The following CDCA2 variants were observed in gnomAD, a reference collection of about 807,000 sequenced individuals.
CDCA2 encodes cell division cycle-associated protein 2.
In CDCA2, 44 loss-of-function variants were observed where a neutral mutation model predicts 67.0. That is an observed-to-expected ratio of 0.66 (90% CI 0.52 to 0.84). The LOEUF (loss-of-function observed/expected upper bound fraction) is 0.84. CDCA2 is among the 40% of genes least tolerant of loss of function. The pLI is 0.00. For synonymous variants in CDCA2, 447 were observed against 418.7 expected (o/e 1.07, Z -0.82); for missense variants, 1,253 against 1,203.2 (o/e 1.04, Z -0.61).
intron 13 of CDCA2, among the ~76,000 whole-genome samples, chr8:25,502,668 G>A (rs1339420587): frequency 1.3e-5 from 2 of 152,046 alleles, no homozygotes; most frequent in Non-Finnish European, 2.9e-5. Context: ...ATAGCTTGCA[G>A]TATGTAATTC....
chr8:25,481,896 C>A (rs1423747870), intron 8 of CDCA2, among the ~76,000 whole-genome samples: 2 of 152,082 alleles, frequency 1.3e-5, no homozygotes, highest in African/African-American at 2.4e-5. Context: ...AATGAACTGA[C>A]TTGAGAGACA....
In CDCA2 at chr8:25,488,548, A is replaced by G. The variant is rs758626972; in HGVS notation, c.1534-4A>G. ...CGGTATCCTACTTTACACTTTCTTTATAGCAATTGGTCAGTGTTGTAGAAG... is the reference window on the plus strand; with the variant it reads ...CGGTATCCTACTTTACACTTTCTTTGTAGCAATTGGTCAGTGTTGTAGAAG... On this transcript the variant is annotated splice_region_variant and splice_polypyrimidine_tract_variant and intron_variant, in intron 12 of 14. Transcript: ENST00000330560. The G allele has an allele frequency of 1.3e-5, 21 of 1,598,126 alleles. No individual in the cohort carries two copies. The highest frequency in any genetic ancestry group is 1.8e-5 in the Non-Finnish European group (21 of 1,174,542).
In CDCA2 at chr8:25,507,315, G is replaced by C; in HGVS notation, c.2649G>C (p.Arg883Ser). 6.2e-7 allele frequency: 1 copy of C among 1,614,068 alleles called. No homozygotes were observed. Among genetic ancestry groups the C allele is most frequent in the Non-Finnish European group, 8.5e-7 (1 of 1,180,010 alleles). The change falls in exon 15 of 15, where the codon AGG (arginine) becomes AGC (serine). Residue 883 changes from arginine to serine, a missense_variant. Arg to Ser is a moderately radical substitution (Grantham distance 110). Transcript: ENST00000330560. ...LSDAIEQTFQ[R>S]RNSETKVRRS... ...ATGCCATTGAGCAAACCTTTCAGAGGAGAAATAGTGAAACCAAAGTGCGAC... is the reference window on the plus strand; with the variant it reads ...ATGCCATTGAGCAAACCTTTCAGAGCAGAAATAGTGAAACCAAAGTGCGAC...
chr8:25,483,945 T>C, intron 9 of CDCA2, 21 bp from the exon 10 acceptor site: 5 of 1,594,078 alleles, frequency 3.1e-6, no homozygotes, highest in Non-Finnish European at 4.3e-6. Flanking sequence ...TAAGTTACTC[T>C]CATTTATTGT....
At chr8:25,483,546 A>G in intron 9 of CDCA2, 60 bp downstream of exon 9, 1 of 1,196,624 alleles carries the variant, frequency 8.4e-7, no homozygotes, top group East Asian at 2.4e-5. Context: ...AGTAAAACCT[A>G]GTATAATATA....
intron 7 of CDCA2, among the ~76,000 whole-genome samples, chr8:25,479,444 C>A (rs1217986928): frequency 6.6e-6 from 1 of 152,198 alleles, no homozygotes; most frequent in East Asian, 1.9e-4. Flanking sequence ...GGGGCACATA[C>A]AGTGTGTTTA....
At chr8:25,482,276 A>G (rs1803600376) in intron 8 of CDCA2, among the ~76,000 whole-genome samples, 1 of 152,184 alleles carries the variant, frequency 6.6e-6, no homozygotes, top group African/African-American at 2.4e-5. Context: ...TTCAAATACT[A>G]AGAATAGGTG....
At chr8:25,477,757 T>G (rs1803406803) in intron 7 of CDCA2, among the ~76,000 whole-genome samples, 1 of 152,136 alleles carries the variant, frequency 6.6e-6, no homozygotes, top group Admixed American at 6.5e-5. Flanking sequence ...GACCTTCACT[T>G]GAATGCCTAA....
chr8:25,468,067 G>C, intron 5 of CDCA2, 150 bp from the exon 6 acceptor site: 1 of 245,732 alleles, frequency 4.1e-6, no homozygotes, highest in Non-Finnish European at 6.4e-6. Flanking sequence ...GCAGTGAGCT[G>C]AAATCGCACC....
At chr8:25,476,905 A>T (rs1027459921) in intron 7 of CDCA2, among the ~76,000 whole-genome samples, 5 of 151,896 alleles carry the variant, frequency 3.3e-5, no homozygotes, top group African/African-American at 1.2e-4. Flanking sequence ...CCTTCTAAGG[A>T]CCTTGTGTCT....
In CDCA2 at chr8:25,488,648, G is replaced by A; in HGVS notation, c.1630G>A (p.Glu544Lys). Residue 544 changes from glutamate (E) to lysine (K), a missense_variant, in exon 13 of 15, where the codon GAA becomes AAA. By Grantham distance (56) the Glu-to-Lys change is moderately conservative. Coordinates refer to ENST00000330560, the MANE Select transcript of CDCA2 (RefSeq NM_152562.4). ...GAAAATTAATAGGAGGAAGTCTCAA[G>A]AAACAAAGTGTACAAAGAGAGCACT... ...EKKINRRKSQ[E>K]TKCTKRALPK... 3.1e-6 allele frequency: 5 copies of A among 1,612,550 alleles called. No individual in the cohort carries two copies. Among genetic ancestry groups the A allele is most frequent in the Non-Finnish European group, 4.2e-6 (5 of 1,179,558 alleles).
intron 6 of CDCA2, 77 bp from the exon 7 acceptor site, chr8:25,469,819 G>A: frequency 1.2e-6 from 1 of 843,046 alleles, no homozygotes. Flanking sequence ...AATCCATAAT[G>A]TTTACTCAAA....
intron 13 of CDCA2, among the ~76,000 whole-genome samples, chr8:25,500,848 G>T (rs750614251): frequency 1.1e-3 from 168 of 152,316 alleles, no homozygotes; most frequent in Middle Eastern, 3.4e-3. Context: ...TGTGATTTCT[G>T]TTTTGCAGAG....
chr8:25,488,707 G>A lies in CDCA2; in HGVS notation c.1671+18G>A. 2 of 1,573,326 alleles carry A rather than the reference G, an allele frequency of 1.3e-6. No homozygotes were observed. The highest frequency in any genetic ancestry group is 1.7e-6 in the Non-Finnish European group (2 of 1,165,594). On this transcript the variant is annotated intron_variant, in intron 13 of 14. Transcript: ENST00000330560. ...AGAGTCAGGTAAGCATGTGTTTAAA[G>A]ATATAATAAAGAGTAGAAGTGGTGT...
At chr8:25,468,514 C>G in intron 6 of CDCA2, 101 bp downstream of exon 6, 1 of 827,946 alleles carries the variant, frequency 1.2e-6, no homozygotes. Flanking sequence ...GTACCTTGTT[C>G]TGCCCTGTGG....
chr8:25,485,818 A>G lies in CDCA2; in HGVS notation c.1425A>G (p.Ser475=). The G allele has an allele frequency of 6.3e-7, 1 of 1,599,868 alleles. No individual in the cohort carries two copies. The highest frequency in any genetic ancestry group is 8.6e-7 in the Non-Finnish European group (1 of 1,169,068). ...FAVLSSPNKS[S]ISETLSGTDT... ...TTCTCAGTTCTCCTAATAAATCATC[A>G]ATCTCTGAGACCCTTTCAGGTAGTA... is the stretch of plus-strand genomic sequence containing the variant. The change falls in exon 11 of 15, where the codon TCA becomes TCG. Residue 475 remains serine (S), a synonymous_variant. Coordinates refer to ENST00000330560, the MANE Select transcript of CDCA2 (RefSeq NM_152562.4).
In CDCA2 at chr8:25,468,303, G is replaced by C. The variant is rs1339526388; in HGVS notation, c.625G>C (p.Asp209His). The change falls in exon 6 of 15, where the codon GAC (aspartate) becomes CAC (histidine). Residue 209 changes from aspartate to histidine, a missense_variant. Physicochemically the swap from Asp to His is moderately conservative, Grantham distance 81. Coordinates refer to ENST00000330560, the MANE Select transcript of CDCA2 (RefSeq NM_152562.4). ...ACGTCGGAGAATATCCTATCAGAGA[G>C]ACTCTGATGAAAATCTGACGGATGC... ...SKRRRISYQRDSDENLTDAEG... is the reference protein window; with the variant it reads ...SKRRRISYQRHSDENLTDAEG... The C allele has an allele frequency of 6.2e-7, 1 of 1,613,106 alleles. No homozygotes were observed. Among genetic ancestry groups the C allele is most frequent in the Non-Finnish European group, 8.5e-7 (1 of 1,179,164 alleles).
At chr8:25,462,230 T>A in intron 4 of CDCA2, 22 bp downstream of exon 4, 1 of 1,610,530 alleles carries the variant, frequency 6.2e-7, no homozygotes, top group Non-Finnish European at 8.5e-7. Context: ...TTCTAAGTTC[T>A]GTCGTGAATT....
At chr8:25,481,754 A>T (rs1803581039) in intron 8 of CDCA2, among the ~76,000 whole-genome samples, 1 of 152,224 alleles carries the variant, frequency 6.6e-6, no homozygotes, top group Non-Finnish European at 1.5e-5. Flanking sequence ...AAAAATTAGG[A>T]GGCATATAAA....
Sources: allele counts gnomAD v4.1 joint callset (sites outside exome capture counted in the v4.1 genomes callset), GRCh38; gene constraint gnomAD v4.1.1; transcripts MANE v1.5; gene names NCBI Gene and HGNC (gene_info 2026-07-23, HGNC 2026-07-21).